STK31: variants seen among roughly 807,000 people sequenced by gnomAD.
STK31 encodes the protein serine/threonine kinase 31, also known as serine/threonine-protein kinase 31.
Under a neutral mutation model 129.7 loss-of-function variants are expected in STK31, and 89 were observed. The ratio of observed to expected loss-of-function variants is 0.69; its 90% CI spans 0.58 to 0.82. The LOEUF (loss-of-function observed/expected upper bound fraction) is 0.82, where lower values mean the gene tolerates loss of function less well. Ranked by LOEUF, STK31 falls within the 40% of genes least tolerant of loss-of-function variation. The pLI, the probability that STK31 is intolerant of heterozygous loss-of-function variation, is 0.00. For missense variants in STK31, 1,187 were observed against 1,176.4 expected, an observed-to-expected ratio of 1.01 and a Z score of -0.13; for synonymous variants, 448 against 395.3, an observed-to-expected ratio of 1.13 and a Z score of -1.58.
At position 23,735,888 on chromosome 7, in the gene STK31, A is replaced by G. The variant is rs766521638; in HGVS notation, c.834A>G (p.Thr278=). Residue 278 remains threonine (T), a synonymous_variant, in exon 7 of 24, where the codon ACA becomes ACG. Coordinates refer to ENST00000355870, the MANE Select transcript of STK31 (RefSeq NM_031414.5). The stretch of plus-strand genomic sequence containing the variant: ...AAAATGATGCAGGCAATCTTATAAC[A>G]TTTCCAAAGTAAGAATTTAGTCTTC... The part of the protein sequence containing the change: ...KDENDAGNLI[T]FPKESLAVGD... The G allele has an allele frequency of 6.4e-7, 1 of 1,569,794 alleles. No individual in the cohort carries two copies.
intron 17 of STK31, 68 bp downstream of exon 17, chr7:23,783,731 G>C: frequency 7.8e-7 from 1 of 1,282,720 alleles, no homozygotes; most frequent in Non-Finnish European, 1.1e-6. Context: ...TATTAAATTT[G>C]TGTCAGTGTT....
chr7:23,722,610 A>T (rs1786785486), intron 4 of STK31: 1 of 152,226 alleles, frequency 6.6e-6, no homozygotes, highest in Non-Finnish European at 1.5e-5. Context: ...ACTCTCTTCA[A>T]AGCTGTCAGA....
At chr7:23,712,738 A>G (rs145672799) in intron 3 of STK31, among the ~76,000 whole-genome samples, 1,677 of 152,254 alleles carry the variant, frequency 0.011, 5 homozygotes, top group Middle Eastern at 0.044. Flanking sequence ...CATGAATGAA[A>G]CATTTCTGAT....
chr7:23,745,679 G>T (rs1788307619), intron 8 of STK31, among the ~76,000 whole-genome samples: 1 of 152,126 alleles, frequency 6.6e-6, no homozygotes, highest in South Asian at 2.1e-4. Flanking sequence ...GCCCTCCCTT[G>T]GGTCATGTGA....
chr7:23,741,519 T>C (rs1352079047), intron 8 of STK31, among the ~76,000 whole-genome samples: 3 of 152,146 alleles, frequency 2.0e-5, no homozygotes, highest in Non-Finnish European at 4.4e-5. Context: ...GATGAAACTA[T>C]CATTAATCAG....
chr7:23,750,109 G>T (rs547031765), intron 8 of STK31, among the ~76,000 whole-genome samples: 13 of 138,512 alleles, frequency 9.4e-5, no homozygotes, highest in African/African-American at 2.9e-4. Flanking sequence ...ATTTTACTGC[G>T]ATGATATGTA....
At chr7:23,713,447 C>T (rs970350131) in intron 3 of STK31, among the ~76,000 whole-genome samples, 1 of 152,058 alleles carries the variant, frequency 6.6e-6, no homozygotes, top group African/African-American at 2.4e-5. Context: ...AAATACCATA[C>T]ACTTAGGCTA....
At chr7:23,774,035 G>C (rs1031529145) in intron 15 of STK31, among the ~76,000 whole-genome samples, 2 of 151,750 alleles carry the variant, frequency 1.3e-5, no homozygotes, top group Non-Finnish European at 2.9e-5. Context: ...TGTGGTGTTT[G>C]GTTTTCTGTC....
chr7:23,824,851 A>G (rs1163150706), intron 23 of STK31, among the ~76,000 whole-genome samples: 1 of 151,726 alleles, frequency 6.6e-6, no homozygotes, highest in Admixed American at 6.6e-5. Flanking sequence ...ATCTATTGAG[A>G]TAATCATGTG....
intron 6 of STK31, among the ~76,000 whole-genome samples, chr7:23,730,878 A>ATATATATATATT: frequency 6.7e-5 from 4 of 59,542 alleles, no homozygotes; most frequent in Non-Finnish European, 9.8e-5. Flanking sequence ...ATATATATAT[A>ATATATATATATT]TTTTTTTTTT....
chr7:23,791,050 T>C (rs1478751933), intron 22 of STK31, 104 bp downstream of exon 22: 12 of 1,094,548 alleles, frequency 1.1e-5, no homozygotes, highest in Admixed American at 3.9e-5. Context: ...CAGCAGACTT[T>C]TAGTAGAACT....
intron 13 of STK31, 103 bp downstream of exon 13, chr7:23,769,859 A>T: frequency 1.4e-6 from 1 of 732,584 alleles, no homozygotes; most frequent in Middle Eastern, 2.5e-4. Context: ...TGCTAGTTAG[A>T]AAGTATTAAG....
At chr7:23,831,674 G>A (rs897063155) in intron 23 of STK31, among the ~76,000 whole-genome samples, 7 of 152,072 alleles carry the variant, frequency 4.6e-5, no homozygotes, top group African/African-American at 1.7e-4. Flanking sequence ...TATTCATTGT[G>A]GTTTGGTGGT....
chr7:23,792,499 A>T (rs779545376), intron 22 of STK31, among the ~76,000 whole-genome samples: 1 of 152,230 alleles, frequency 6.6e-6, no homozygotes, highest in Non-Finnish European at 1.5e-5. Context: ...CACCATGCTC[A>T]TGGACTAGAA....
chr7:23,796,678 C>T (rs1044310244), intron 22 of STK31, among the ~76,000 whole-genome samples: 2 of 152,156 alleles, frequency 1.3e-5, no homozygotes, highest in Non-Finnish European at 1.5e-5. Flanking sequence ...GTAGTCACAG[C>T]CTCCTCCCAA....
intron 10 of STK31, among the ~76,000 whole-genome samples, chr7:23,757,900 C>T (rs1233386857): frequency 3.9e-5 from 6 of 152,106 alleles, no homozygotes; most frequent in African/African-American, 1.2e-4. Context: ...GTTTTGTGTC[C>T]GTGGGTACTT....
intron 10 of STK31, among the ~76,000 whole-genome samples, chr7:23,761,394 C>G (rs1385604950): frequency 2.0e-5 from 3 of 148,694 alleles, no homozygotes; most frequent in African/African-American, 7.4e-5. Flanking sequence ...TTGCATAGTT[C>G]TTTAACTTGA....
chr7:23,785,001 A>C (rs998025967), intron 17 of STK31, among the ~76,000 whole-genome samples: 2 of 151,988 alleles, frequency 1.3e-5, no homozygotes, highest in African/African-American at 4.8e-5. Flanking sequence ...TGTTTATTTC[A>C]GTAGTTTTTG....
rs751693855 is a variant in STK31 at position 23,749,516 on chromosome 7, C to CT, written c.1018-3186dup. 9.8e-3 allele frequency among the ~76,000 whole-genome samples: 1,285 copies of CT among 130,732 alleles called. 22 individuals carry two copies. The highest frequency in any genetic ancestry group is 0.031 in the African/African-American group (1,083 of 35,132). The allele number at this position is 130,732 out of a possible 152,430, so 85.8% of individuals were successfully genotyped here. A position where few individuals can be genotyped will look rare whatever the true frequency, so the allele number is the denominator to read the frequency against. ...CACCACCATGCCTGGCTAATTTTTGCTTTTTTTTTTTTTTTGGGGGTAGAG... is the reference window on the plus strand; with the variant it reads ...CACCACCATGCCTGGCTAATTTTTGCTTTTTTTTTTTTTTTTGGGGGTAGAG... On this transcript the variant is annotated intron_variant, in intron 8 of 23. Transcript: ENST00000355870.
Sources: allele counts gnomAD v4.1 joint callset (sites outside exome capture counted in the v4.1 genomes callset), GRCh38; gene constraint gnomAD v4.1.1; transcripts MANE v1.5; gene names NCBI Gene and HGNC (gene_info 2026-07-23, HGNC 2026-07-21).